NUBPL: variants seen among roughly 807,000 people sequenced by gnomAD.
The protein encoded by NUBPL is iron-sulfur cluster transfer protein NUBPL.
A neutral mutation model predicts 45.7 loss-of-function variants in NUBPL; 31 were observed. The ratio of observed to expected loss-of-function variants is 0.68; its 90% confidence interval spans 0.51 to 0.92. The LOEUF is 0.92. Among genes scored for constraint, NUBPL ranks in the 40% least tolerant of loss-of-function variants. The pLI is 0.00. For synonymous variants in NUBPL, 144 were observed against 140.9 expected (o/e 1.02, Z -0.15); for missense variants, 401 against 398.7 (o/e 1.01, Z -0.05).
chr14:31,622,893 G>A (rs2035103867), intron 4 of NUBPL, among the ~76,000 whole-genome samples: 1 of 152,238 alleles, frequency 6.6e-6, no homozygotes, highest in African/African-American at 2.4e-5. Context: ...GCACTTCCTA[G>A]AGGAGCTATG....
At chr14:31,565,945 A>G (rs1336151225) in intron 3 of NUBPL, among the ~76,000 whole-genome samples, 1 of 152,104 alleles carries the variant, frequency 6.6e-6, no homozygotes, top group Non-Finnish European at 1.5e-5. Flanking sequence ...ATCTTTTTAG[A>G]TATTAAAAAA....
chr14:31,647,653 C>T (rs1168634485), intron 4 of NUBPL, among the ~76,000 whole-genome samples: 1 of 152,178 alleles, frequency 6.6e-6, no homozygotes, highest in East Asian at 1.9e-4. Flanking sequence ...GTTTCCAGGG[C>T]TAGGGATGGT....
chr14:31,809,811 G>A (rs544045042), intron 7 of NUBPL, among the ~76,000 whole-genome samples: 12 of 151,858 alleles, frequency 7.9e-5, no homozygotes, highest in South Asian at 4.2e-4. Flanking sequence ...ATTCTGGTAC[G>A]TTATGTCTTT....
At chr14:31,767,726 G>T (rs1310484433) in intron 6 of NUBPL, among the ~76,000 whole-genome samples, 4 of 151,566 alleles carry the variant, frequency 2.6e-5, no homozygotes, top group South Asian at 2.1e-4. Context: ...TGTAAATCTT[G>T]CAGGGAGGCG....
chr14:31,660,739 A>G (rs1380245509), intron 4 of NUBPL, among the ~76,000 whole-genome samples: 3 of 152,304 alleles, frequency 2.0e-5, no homozygotes, highest in African/African-American at 7.2e-5. Context: ...TTCCTGAACC[A>G]TGGTGTTCAG....
intron 7 of NUBPL, among the ~76,000 whole-genome samples, chr14:31,825,655 T>TCC: frequency 1.0e-5 from 1 of 98,618 alleles, no homozygotes; most frequent in African/African-American, 5.3e-5. Context: ...TCCTTTCCTT[T>TCC]TTCCTTTTCC....
intron 7 of NUBPL, among the ~76,000 whole-genome samples, chr14:31,804,525 A>T (rs1369091233): frequency 6.6e-6 from 1 of 152,170 alleles, no homozygotes; most frequent in Non-Finnish European, 1.5e-5. Flanking sequence ...GTATTTGAAT[A>T]GGAAGTTTCT....
At chr14:31,850,714 A>G (rs1294524944) in intron 10 of NUBPL, among the ~76,000 whole-genome samples, 3 of 151,924 alleles carry the variant, frequency 2.0e-5, no homozygotes, top group African/African-American at 4.8e-5. Context: ...TTGACTTCCC[A>G]TGCTCAAGCA....
chr14:31,756,078 T>C (rs2038655391), intron 6 of NUBPL, among the ~76,000 whole-genome samples: 1 of 151,974 alleles, frequency 6.6e-6, no homozygotes, highest in Admixed American at 6.6e-5. Context: ...TTGGTACCAG[T>C]ACCATGCTGT....
Position 31,683,434 on chromosome 14 carries a change from C to T in NUBPL, c.513+9860C>T, listed in dbSNP as rs556258714. Among the ~76,000 whole-genome samples the T allele has an allele frequency of 5.1e-5, 7 of 137,690 alleles. No homozygotes were observed. The South Asian group carries it at 1.6e-3, about 32-fold the overall frequency. The allele number at this position is 137,690 out of a possible 152,430, so 90.3% of individuals were successfully genotyped here. On this transcript the variant is annotated intron_variant, in intron 6 of 10. Transcript: ENST00000281081. ...AGCTCAATGGCATAATCTAGGCTCA[C>T]TGCAACTTCCGCCTCCTTGGTTCAA... is the stretch of plus-strand genomic sequence containing the variant.
chr14:31,727,367 C>T (rs2037948460), intron 6 of NUBPL, among the ~76,000 whole-genome samples: 1 of 152,130 alleles, frequency 6.6e-6, no homozygotes, highest in South Asian at 2.1e-4. Flanking sequence ...ATTACCTTGA[C>T]AACCATTATA....
intron 9 of NUBPL, among the ~76,000 whole-genome samples, chr14:31,848,639 T>A (rs114441676): frequency 2.6e-5 from 4 of 152,204 alleles, no homozygotes; most frequent in Non-Finnish European, 5.9e-5. Flanking sequence ...AGGCTCAGAC[T>A]GCTCCTCACT....
intron 6 of NUBPL, among the ~76,000 whole-genome samples, chr14:31,742,690 A>G (rs2038311328): frequency 6.6e-6 from 1 of 151,698 alleles, no homozygotes; most frequent in Admixed American, 6.6e-5. Flanking sequence ...TGCAACCTCC[A>G]CTTCCTGGGT....
chr14:31,733,284 T>C (rs1241267475), intron 6 of NUBPL, among the ~76,000 whole-genome samples: 1 of 152,200 alleles, frequency 6.6e-6, no homozygotes, highest in Non-Finnish European at 1.5e-5. Context: ...TTGATTGCTG[T>C]AGAGTAAGGC....
intron 6 of NUBPL, among the ~76,000 whole-genome samples, chr14:31,744,617 C>CTTTTT (rs34367142): frequency 1.5e-4 from 16 of 103,912 alleles, no homozygotes; most frequent in East Asian, 2.8e-4. Context: ...TTTGTAGAAT[C>CTTTTT]TTTTTTTTTT....
chr14:31,580,963 A>G (rs1013463927), intron 3 of NUBPL, among the ~76,000 whole-genome samples: 4 of 152,162 alleles, frequency 2.6e-5, no homozygotes, highest in African/African-American at 9.7e-5. Context: ...CAGGGCAGTG[A>G]CAGTCTAATT....
chr14:31,823,700 A>G (rs2040054189), intron 7 of NUBPL, among the ~76,000 whole-genome samples: 1 of 152,120 alleles, frequency 6.6e-6, no homozygotes, highest in East Asian at 1.9e-4. Context: ...TTTTACAGTT[A>G]AAGAAACTGA....
intron 6 of NUBPL, among the ~76,000 whole-genome samples, chr14:31,741,123 T>C (rs1157653968): frequency 1.3e-5 from 2 of 152,250 alleles, no homozygotes; most frequent in Non-Finnish European, 2.9e-5. Context: ...TCTGATACCC[T>C]GTATCTTCAG....
intron 6 of NUBPL, among the ~76,000 whole-genome samples, chr14:31,779,431 G>A (rs1165882016): frequency 6.6e-6 from 1 of 152,106 alleles, no homozygotes; most frequent in Non-Finnish European, 1.5e-5. Context: ...AGTATGGAAT[G>A]GAGATAGTGA....
Sources: gnomAD v4.1 joint callset for allele counts (sites outside exome capture counted in the v4.1 genomes callset) on GRCh38, gnomAD v4.1.1 for gene constraint, MANE v1.5 for transcripts, NCBI Gene and HGNC (gene_info 2026-07-23, HGNC 2026-07-21) for gene names.